The following SLC25A48 variants were observed in gnomAD, a reference collection of about 807,000 sequenced individuals.
SLC25A48 encodes the protein solute carrier family 25 member 48, also known as CTC-321K16.1.
SLC25A48 carries 29 observed loss-of-function variants against 32.2 expected under a neutral mutation model. The ratio of observed to expected loss-of-function variants is 0.90; its 90% CI spans 0.67 to 1.23. The LOEUF (loss-of-function observed/expected upper bound fraction) is 1.23, where lower values mean the gene tolerates loss of function less well. Ranked by LOEUF, SLC25A48 falls within the 50% of genes most tolerant of loss-of-function variation. The pLI is 0.00. For missense variants in SLC25A48, 399 were observed against 422.7 expected, an observed-to-expected ratio of 0.94 and a Z score of 0.49; for synonymous variants, 164 against 172.3, an observed-to-expected ratio of 0.95 and a Z score of 0.38.
chr5:135,838,339 GT>G (rs1465293357), intron 1 of SLC25A48, among the ~76,000 whole-genome samples: 1 of 152,210 alleles, frequency 6.6e-6, no homozygotes, highest in Non-Finnish European at 1.5e-5. Context: ...TGGAACTTAT[GT>G]TTAAAAGCGA....
At chr5:135,853,632 C>G (rs10036523) in intron 4 of SLC25A48, among the ~76,000 whole-genome samples, 3,684 of 152,292 alleles carry the variant, frequency 0.024, 145 homozygotes, top group African/African-American at 0.083. Flanking sequence ...CATTCTAGTT[C>G]TCTTGCTTTC....
intron 4 of SLC25A48, among the ~76,000 whole-genome samples, chr5:135,814,518 A>G (rs4386730): frequency 0.35 from 53,598 of 151,960 alleles, 9,594 homozygotes; most frequent in East Asian, 0.44. Flanking sequence ...CACAGACAAA[A>G]TATGAGTCAT....
chr5:135,722,297 G>T (rs183164787), intron 3 of SLC25A48, among the ~76,000 whole-genome samples: 149 of 152,210 alleles, frequency 9.8e-4, no homozygotes, highest in Non-Finnish European at 1.8e-3. Flanking sequence ...TCTCTCTGAT[G>T]GTTCAACTAT....
chr5:135,836,970 A>G (rs866995814), intron 1 of SLC25A48, among the ~76,000 whole-genome samples: 2 of 111,736 alleles, frequency 1.8e-5, no homozygotes, highest in Admixed American at 8.8e-5. Context: ...CCCCCCCCCC[A>G]CCCCCCCCCC....
chr5:135,777,850 T>G (rs1472444328), intron 3 of SLC25A48, among the ~76,000 whole-genome samples: 2 of 151,618 alleles, frequency 1.3e-5, no homozygotes, highest in Non-Finnish European at 1.5e-5. Flanking sequence ...ACTGTGATAT[T>G]GTTCCTAATG....
At chr5:135,820,987 G>C (rs187766765) in intron 4 of SLC25A48, among the ~76,000 whole-genome samples, 1 of 152,160 alleles carries the variant, frequency 6.6e-6, no homozygotes, top group African/African-American at 2.4e-5. Context: ...TCTCAGCCTC[G>C]TGACCATCAA....
intron 1 of SLC25A48, among the ~76,000 whole-genome samples, chr5:135,596,655 T>A (rs1201474570): frequency 6.6e-6 from 1 of 152,200 alleles, no homozygotes; most frequent in Non-Finnish European, 1.5e-5. Context: ...CAGCCCCTTC[T>A]TGCCTGCAAT....
intron 3 of SLC25A48, among the ~76,000 whole-genome samples, chr5:135,711,906 C>A (rs930049686): frequency 6.6e-6 from 1 of 152,044 alleles, no homozygotes; most frequent in Non-Finnish European, 1.5e-5. Flanking sequence ...CTGTACCCAC[C>A]CCTTCACTGG....
intron 3 of SLC25A48, among the ~76,000 whole-genome samples, chr5:135,785,412 A>G (rs1306131469): frequency 3.3e-5 from 5 of 151,420 alleles, no homozygotes; most frequent in Non-Finnish European, 5.9e-5. Context: ...AGTGGGGGAA[A>G]GGGTGATATT....
chr5:135,773,292 C>T (rs1342424323), intron 3 of SLC25A48, among the ~76,000 whole-genome samples: 3 of 151,640 alleles, frequency 2.0e-5, no homozygotes, highest in African/African-American at 7.3e-5. Flanking sequence ...TTACTATCAT[C>T]TTCTTTTCCT....
chr5:135,805,418 A>T (rs774762986), intron 3 of SLC25A48, among the ~76,000 whole-genome samples: 1 of 151,550 alleles, frequency 6.6e-6, no homozygotes. Context: ...TAATATGAAG[A>T]TATTACTCCT....
intron 3 of SLC25A48, among the ~76,000 whole-genome samples, chr5:135,662,279 C>A (rs568445917): frequency 6.6e-6 from 1 of 152,266 alleles, no homozygotes; most frequent in East Asian, 1.9e-4. Context: ...ACGCTGCCTG[C>A]CTGGCTCAGC....
upstream of SLC25A48, chr5:135,834,554 A>G (rs1320178788): frequency 2.3e-6 from 1 of 440,474 alleles, no homozygotes; most frequent in African/African-American, 2.0e-5. Context: ...TCACTTGATG[A>G]CCCTTGCCTC....
intron 3 of SLC25A48, among the ~76,000 whole-genome samples, chr5:135,697,294 A>ATGCCCCTC (rs879649036): frequency 0.52 from 78,246 of 151,694 alleles, 21,096 homozygotes; most frequent in South Asian, 0.61. Flanking sequence ...GAGAGAGGCA[A>ATGCCCCTC]CACAGAGGCT....
intron 4 of SLC25A48, among the ~76,000 whole-genome samples, chr5:135,816,376 G>T (rs79912632): frequency 3.9e-5 from 6 of 152,218 alleles, no homozygotes; most frequent in Admixed American, 3.3e-4. Flanking sequence ...ATCTAAAATC[G>T]TTTTTCATAT....
chr5:135,611,172 A>G (rs185698995), intron 1 of SLC25A48, among the ~76,000 whole-genome samples: 1 of 152,314 alleles, frequency 6.6e-6, no homozygotes, highest in East Asian at 1.9e-4. Context: ...AAAATTAGAA[A>G]TGGTTAAAAA....
At chr5:135,668,596 T>C (rs1753577161) in intron 3 of SLC25A48, among the ~76,000 whole-genome samples, 1 of 152,202 alleles carries the variant, frequency 6.6e-6, no homozygotes, top group African/African-American at 2.4e-5. Context: ...GCACTGATGT[T>C]TTCCTTGAAG....
chr5:135,877,209 C>T (rs1324795921), intron 6 of SLC25A48, among the ~76,000 whole-genome samples: 1 of 152,080 alleles, frequency 6.6e-6, no homozygotes, highest in Non-Finnish European at 1.5e-5. Flanking sequence ...ATTCTCTGCC[C>T]ACTGTTAGGG....
At chr5:135,677,429 C>T (rs1441339576) in intron 3 of SLC25A48, among the ~76,000 whole-genome samples, 1 of 152,056 alleles carries the variant, frequency 6.6e-6, no homozygotes, top group Non-Finnish European at 1.5e-5. Flanking sequence ...CATCCATTTA[C>T]ACTAAGGGTT....
Sources: gnomAD v4.1 joint callset for allele counts (sites outside exome capture counted in the v4.1 genomes callset) on GRCh38, gnomAD v4.1.1 for gene constraint, MANE v1.5 for transcripts, NCBI Gene and HGNC (gene_info 2026-07-23, HGNC 2026-07-21) for gene names.